Variants in CRACDL observed in about 807,000 individuals in gnomAD.
CRACDL encodes CRACD-like protein.
A neutral mutation model predicts 70.6 loss-of-function variants in CRACDL; 26 were observed. The observed-to-expected ratio is 0.37, with a 90% CI of 0.27 to 0.51. The LOEUF is 0.51. CRACDL is among the 20% of genes least tolerant of loss of function. CRACDL has a pLI of 0.94. For missense variants in CRACDL, 1,283 were observed against 1,376.9 expected, an observed-to-expected ratio of 0.93 and a Z score of 1.08; for synonymous variants, 618 against 615.2, an observed-to-expected ratio of 1.00 and a Z score of -0.07.
intron 5 of CRACDL, among the ~76,000 whole-genome samples, chr2:98,828,953 G>A (rs1705427459): frequency 6.6e-6 from 1 of 152,222 alleles, no homozygotes; most frequent in Admixed American, 6.5e-5. Context: ...CAAACAGGAT[G>A]TGTACATTTA....
intron 1 of CRACDL, among the ~76,000 whole-genome samples, 193 bp downstream of exon 1, chr2:98,935,745 G>A (rs1156782387): frequency 1.3e-5 from 2 of 152,166 alleles, no homozygotes; most frequent in Admixed American, 1.3e-4. Context: ...GCTCCCCCTC[G>A]GCCGCAGGAG....
intron 7 of CRACDL, among the ~76,000 whole-genome samples, chr2:98,799,826 G>A (rs547700324): frequency 7.9e-5 from 12 of 152,194 alleles, no homozygotes; most frequent in South Asian, 2.1e-4. Context: ...CAGCTCTGAC[G>A]TGGCTGCACA....
chr2:98,905,279 C>T (rs531816489), intron 1 of CRACDL, among the ~76,000 whole-genome samples: 19 of 150,952 alleles, frequency 1.3e-4, no homozygotes, highest in Admixed American at 2.6e-4. Context: ...GAGGCTGGGC[C>T]CTCATCTCCC....
Position 98,801,175 on chromosome 2 carries a change from T to G in CRACDL, c.2417-3638A>C, listed in dbSNP as rs555748626. Among the ~76,000 whole-genome samples, 13 of 152,354 alleles carry G rather than the reference T, an allele frequency of 8.5e-5. 1 individual carries two copies. In the South Asian group the frequency reaches 1.2e-3, roughly 15 times the overall value. On this transcript the variant is annotated intron_variant, in intron 7 of 9. Coordinates refer to ENST00000397899, the MANE Select transcript of CRACDL (RefSeq NM_207362.3). ...ATTCTCTTCTTTCTCACCTTTTTCC[T>G]TGTCAGGAATGCAAGAGGGCCCTTG...
In CRACDL at chr2:98,822,340, C is replaced by T. The variant is rs1416926081; in HGVS notation, c.1933G>A (p.Ala645Thr). ...CTCTTGCGCGGCCCGGCCGGGCTGG[C>T]CGCCCTGTCCCCCGAGTCCTGAGGG... ...RGPQDSGDRA[A>T]SPAGPRKSPQ... The change falls in exon 7 of 10, where the codon GCC (alanine) becomes ACC (threonine). Residue 645 changes from alanine (A) to threonine (T), a missense_variant. Ala to Thr is a moderately conservative substitution (Grantham distance 58). Transcript: ENST00000397899. The surrounding 1 kb of genome is among the most constrained non-coding windows in gnomAD (Gnocchi z 4.9). The T allele has an allele frequency of 6.9e-7, 1 of 1,457,472 alleles. No homozygotes were observed. Among genetic ancestry groups the T allele is most frequent in the Non-Finnish European group, 9.0e-7 (1 of 1,116,358 alleles). 90.3% of individuals were successfully genotyped at this position (1,457,472 alleles called of 1,614,324 possible). A position where few individuals can be genotyped will look rare whatever the true frequency, so the allele number is the denominator to read the frequency against.
chr2:98,827,231 C>A, intron 5 of CRACDL, 62 bp from the exon 6 acceptor site: 1 of 1,163,882 alleles, frequency 8.6e-7, no homozygotes, highest in Non-Finnish European at 1.3e-6. Context: ...TAAGGACGAC[C>A]AACGCAACAA....
At chr2:98,854,297 A>G (rs543271152) in intron 1 of CRACDL, among the ~76,000 whole-genome samples, 2,072 of 148,754 alleles carry the variant, frequency 0.014, 51 homozygotes, top group African/African-American at 0.047. Flanking sequence ...AAAAAAAAAA[A>G]AAAGAAAGAA....
intron 7 of CRACDL, among the ~76,000 whole-genome samples, chr2:98,800,310 T>G (rs778895041): frequency 2.0e-5 from 3 of 152,158 alleles, no homozygotes; most frequent in Non-Finnish European, 2.9e-5. Flanking sequence ...TGGGTTGGGA[T>G]CTGGAGAACA....
At chr2:98,916,527 T>A (rs1338609754) in intron 1 of CRACDL, among the ~76,000 whole-genome samples, 1 of 152,182 alleles carries the variant, frequency 6.6e-6, no homozygotes, top group African/African-American at 2.4e-5. Flanking sequence ...AAATGCTGAT[T>A]ATAAAAATAT....
At chr2:98,929,892 A>G (rs12622653) in intron 1 of CRACDL, among the ~76,000 whole-genome samples, 37,839 of 151,954 alleles carry the variant, frequency 0.25, 5,113 homozygotes, top group African/African-American at 0.33. Context: ...TTCATGAAGC[A>G]CCACATGGAC....
chr2:98,821,848 G>T lies in CRACDL; in HGVS notation c.2416+9C>A. 1 of 1,606,882 alleles carries T rather than the reference G, an allele frequency of 6.2e-7. No individual in the cohort carries two copies. The highest frequency in any genetic ancestry group is 1.3e-5 in the African/African-American group (1 of 74,470). ...CCCTGCCCTTCCCGCACCCTCGGCG[G>T]GCTCTTACCAGCTCCCCTGCGCAGC... On this transcript the variant is annotated intron_variant, in intron 7 of 9. Transcript: ENST00000397899.
At chr2:98,844,661 G>A (rs1001533963) in intron 2 of CRACDL, among the ~76,000 whole-genome samples, 1 of 152,208 alleles carries the variant, frequency 6.6e-6, no homozygotes, top group African/African-American at 2.4e-5. Context: ...TATGGATTTG[G>A]TGGGAGCACC....
rs763385203 is a variant in CRACDL at position 98,822,278 on chromosome 2, C to T, written c.1995G>A (p.Glu665=). The change falls in exon 7 of 10, where the codon GAG becomes GAA. Residue 665 remains glutamate, a synonymous_variant. Coordinates refer to ENST00000397899, the MANE Select transcript of CRACDL (RefSeq NM_207362.3). The surrounding 1 kb of genome is among the most constrained non-coding windows in gnomAD (Gnocchi z 4.9). ...QEAAAAPGTR[E]PCPAAQEPAP... ...CCGGCTCCTGGGCGGCTGGGCAGGG[C>T]TCTCTCGTGCCGGGCGCGGCGGCCG... 2 of 1,575,658 alleles carry T rather than the reference C, an allele frequency of 1.3e-6. No homozygotes were observed. The highest frequency in any genetic ancestry group is 1.4e-5 in the African/African-American group (1 of 72,690).
intron 2 of CRACDL, among the ~76,000 whole-genome samples, chr2:98,842,868 T>TTGTGTGTGTGTGTGTGTGTG (rs67398751): frequency 2.1e-5 from 3 of 144,968 alleles, no homozygotes. Flanking sequence ...TTGCTATAGT[T>TTGTGTGTGTGTGTGTGTGTG]TGTGTGTGTG....
In CRACDL at chr2:98,822,421, C is replaced by T. The variant is rs776392242; in HGVS notation, c.1852G>A (p.Gly618Ser). The T allele has an allele frequency of 5.4e-6, 8 of 1,484,766 alleles. No homozygotes were observed. Among genetic ancestry groups the T allele is most frequent in the Admixed American group, 2.3e-5 (1 of 43,310 alleles). 92.0% of individuals were successfully genotyped at this position (1,484,766 alleles called of 1,614,324 possible). A position where few individuals can be genotyped will look rare whatever the true frequency, so the allele number is the denominator to read the frequency against. Residue 618 changes from glycine (G) to serine (S), a missense_variant, in exon 7 of 10, where the codon GGT (glycine) becomes AGT (serine). Around this residue, in one of 2 missense-constraint regions of CRACDL, gnomAD observed 921 missense variants for 881.9 expected, o/e 1.04. Transcript: ENST00000397899. The surrounding 1 kb of genome is among the most constrained non-coding windows in gnomAD (Gnocchi z 4.9). ...RSEAALDDLQ[G>S]LPEPQHAKPG... ...TTCGCGTGCTGGGGCTCGGGGAGACCCTGGAGGTCGTCAAGAGCCGCCTCG... is the reference window on the plus strand; with the variant it reads ...TTCGCGTGCTGGGGCTCGGGGAGACTCTGGAGGTCGTCAAGAGCCGCCTCG...
Position 98,796,262 on chromosome 2 carries a change from C to G in CRACDL, c.2607G>C (p.Glu869Asp). The change falls in exon 9 of 10, where the codon GAG becomes GAC. Residue 869 changes from glutamate to aspartate, a missense_variant and splice_region_variant. Glu to Asp is a conservative substitution (Grantham distance 45, BLOSUM62 2). This residue lies in a region of CRACDL where 921 missense variants were observed against 881.9 expected (regional missense o/e 1.04). Transcript: ENST00000397899. ...KQAKVPERGQ[E>D]PVKQADFVRS... is the part of the protein sequence containing the mutation. The stretch of plus-strand genomic sequence containing the variant: ...GAACAAAGTCAGCTTGCTTCACAGG[C>G]TCCTGTTGGGACATAAGACACATGC... The G allele has an allele frequency of 6.2e-7, 1 of 1,613,886 alleles. No homozygotes were observed. Among genetic ancestry groups the G allele is most frequent in the Non-Finnish European group, 8.5e-7 (1 of 1,179,746 alleles).
intron 7 of CRACDL, among the ~76,000 whole-genome samples, chr2:98,819,527 C>G (rs1314057665): frequency 2.0e-5 from 3 of 152,212 alleles, no homozygotes; most frequent in Non-Finnish European, 2.9e-5. Context: ...GCAGTGGCAG[C>G]AGCAACACAA....
At chr2:98,829,472 A>C (rs1362645802) in intron 5 of CRACDL, among the ~76,000 whole-genome samples, 1 of 152,128 alleles carries the variant, frequency 6.6e-6, no homozygotes. Context: ...TGATGTAACT[A>C]CGTGAGGTGG....
chr2:98,812,787 G>T (rs1272068861), intron 7 of CRACDL, among the ~76,000 whole-genome samples: 4 of 151,258 alleles, frequency 2.6e-5, no homozygotes, highest in African/African-American at 7.3e-5. Flanking sequence ...TATGTAGTTT[G>T]CCTATCTTTT....
Sources: allele counts gnomAD v4.1 joint callset (sites outside exome capture counted in the v4.1 genomes callset), GRCh38; gene constraint gnomAD v4.1.1; regional missense constraint gnomAD v4.1.1; non-coding constraint Gnocchi (gnomAD v3.1); transcripts MANE v1.5; gene names NCBI Gene and HGNC (gene_info 2026-07-23, HGNC 2026-07-21).